ITGBL1: variants seen among roughly 807,000 people sequenced by gnomAD.
ITGBL1 encodes the protein integrin subunit beta like 1.
In ITGBL1, 51 loss-of-function variants were observed where a neutral mutation model predicts 68.5. That is an observed-to-expected ratio of 0.74 (90% CI 0.59 to 0.94). ITGBL1 has a LOEUF of 0.94. Among genes scored for constraint, ITGBL1 ranks in the 40% least tolerant of loss-of-function variants. ITGBL1 has a pLI of 0.00. For synonymous variants in ITGBL1, 209 were observed against 227.3 expected, an observed-to-expected ratio of 0.92 and a Z score of 0.72; for missense variants, 649 against 647.4, an observed-to-expected ratio of 1.00 and a Z score of -0.03.
intron 7 of ITGBL1, among the ~76,000 whole-genome samples, chr13:101,645,478 T>C (rs941684793): frequency 2.6e-5 from 4 of 151,226 alleles, no homozygotes; most frequent in African/African-American, 9.8e-5. Flanking sequence ...GCTTCGTATT[T>C]GGGCACATTA....
At chr13:101,708,852 G>A (rs974971570) in intron 9 of ITGBL1, among the ~76,000 whole-genome samples, 4 of 152,200 alleles carry the variant, frequency 2.6e-5, no homozygotes, top group African/African-American at 9.6e-5. Context: ...CAGGCAGGTG[G>A]AAAATGAGTT....
chr13:101,454,471 A>G (rs1320781499), intron 2 of ITGBL1, among the ~76,000 whole-genome samples: 7 of 146,292 alleles, frequency 4.8e-5, no homozygotes, highest in Non-Finnish European at 9.0e-5. Flanking sequence ...TTGGGATTAC[A>G]GGCGTGAGCC....
At chr13:101,530,776 G>T (rs1394705536) in intron 2 of ITGBL1, among the ~76,000 whole-genome samples, 2 of 152,062 alleles carry the variant, frequency 1.3e-5, no homozygotes, top group Non-Finnish European at 2.9e-5. Flanking sequence ...ATGAGATTTT[G>T]ATTCTTTAGG....
intron 7 of ITGBL1, among the ~76,000 whole-genome samples, chr13:101,604,881 T>TGCACAC (rs2030618963): frequency 7.0e-5 from 1 of 14,276 alleles, no homozygotes; most frequent in African/African-American, 1.7e-4. Context: ...TATATATATA[T>TGCACAC]ATATATACAC....
intron 2 of ITGBL1, among the ~76,000 whole-genome samples, chr13:101,522,960 C>T (rs997439302): frequency 2.0e-5 from 3 of 152,198 alleles, no homozygotes; most frequent in African/African-American, 7.2e-5. Context: ...GCCAAATGGA[C>T]AGACATCTCA....
At chr13:101,530,820 A>G (rs1311250528) in intron 2 of ITGBL1, among the ~76,000 whole-genome samples, 1 of 152,208 alleles carries the variant, frequency 6.6e-6, no homozygotes, top group East Asian at 1.9e-4. Flanking sequence ...TTTTTGGGAT[A>G]TGTCGCATGT....
At chr13:101,570,733 C>T (rs1299339333) in intron 3 of ITGBL1, among the ~76,000 whole-genome samples, 1 of 152,136 alleles carries the variant, frequency 6.6e-6, no homozygotes, top group African/African-American at 2.4e-5. Flanking sequence ...CTTATTTAGT[C>T]TATCCTGTTG....
chr13:101,506,677 G>T (rs527522955), intron 2 of ITGBL1, among the ~76,000 whole-genome samples: 30 of 152,282 alleles, frequency 2.0e-4, no homozygotes, highest in African/African-American at 7.2e-4. Flanking sequence ...AAAAGGTGTT[G>T]TAACTGAGAT....
At chr13:101,707,449 G>A (rs561035416) in intron 9 of ITGBL1, among the ~76,000 whole-genome samples, 1 of 152,222 alleles carries the variant, frequency 6.6e-6, no homozygotes, top group Non-Finnish European at 1.5e-5. Context: ...AAAAGCTATG[G>A]GGGAGGGGTA....
At chr13:101,647,397 A>G (rs543301258) in intron 7 of ITGBL1, among the ~76,000 whole-genome samples, 14 of 152,344 alleles carry the variant, frequency 9.2e-5, no homozygotes, top group South Asian at 8.3e-4. Flanking sequence ...TTAAAAATTA[A>G]TATGTGGTTC....
At chr13:101,459,344 A>G (rs1008798204) in intron 2 of ITGBL1, among the ~76,000 whole-genome samples, 5 of 152,358 alleles carry the variant, frequency 3.3e-5, no homozygotes, top group African/African-American at 1.2e-4. Context: ...TATGGATATG[A>G]AGAACCTTCT....
chr13:101,524,262 A>G (rs1486508484), intron 2 of ITGBL1, among the ~76,000 whole-genome samples: 1 of 152,074 alleles, frequency 6.6e-6, no homozygotes, highest in Admixed American at 6.6e-5. Flanking sequence ...CTTTCAAAAA[A>G]CAATGCCACT....
chr13:101,583,925 A>G (rs2050507314), intron 6 of ITGBL1, among the ~76,000 whole-genome samples: 1 of 152,174 alleles, frequency 6.6e-6, no homozygotes, highest in Admixed American at 6.5e-5. Context: ...CTAGATAGCT[A>G]CTCAGTTCAA....
chr13:101,641,519 CTTTT>C (rs1411966787), intron 7 of ITGBL1, among the ~76,000 whole-genome samples: 1 of 146,666 alleles, frequency 6.8e-6, no homozygotes, highest in Non-Finnish European at 1.5e-5. Flanking sequence ...ATGTGTCTTT[CTTTT>C]TTATTTTATT....
chr13:101,489,887 G>A (rs935622483), intron 2 of ITGBL1: 23 of 924,408 alleles, frequency 2.5e-5, no homozygotes, highest in Admixed American at 1.3e-4. Flanking sequence ...GTGAGAGGTG[G>A]ACTAAAGGTT....
At chr13:101,575,166 T>G (rs538370309) in intron 3 of ITGBL1, among the ~76,000 whole-genome samples, 1 of 152,178 alleles carries the variant, frequency 6.6e-6, no homozygotes, top group South Asian at 2.1e-4. Flanking sequence ...GCTCTGCACT[T>G]GGAGAGGTCA....
At chr13:101,497,983 C>T (rs574306277) in intron 2 of ITGBL1, among the ~76,000 whole-genome samples, 66 of 151,874 alleles carry the variant, frequency 4.3e-4, no homozygotes, top group African/African-American at 1.6e-3. Context: ...GAGATTTTGT[C>T]TGATCAGGAT....
intron 2 of ITGBL1, among the ~76,000 whole-genome samples, chr13:101,484,721 A>G (rs1011825939): frequency 4.6e-5 from 7 of 152,148 alleles, no homozygotes; most frequent in Non-Finnish European, 8.8e-5. Context: ...TTAAAAATGA[A>G]TGGAACATCA....
chr13:101,473,386 C>T (rs1270942720), intron 2 of ITGBL1, among the ~76,000 whole-genome samples: 6 of 152,134 alleles, frequency 3.9e-5, no homozygotes, highest in African/African-American at 1.4e-4. Flanking sequence ...TGGATTGGAA[C>T]TCAGTTTTGC....
Sources: allele counts gnomAD v4.1 joint callset (sites outside exome capture counted in the v4.1 genomes callset), GRCh38; gene constraint gnomAD v4.1.1; transcripts MANE v1.5; gene names NCBI Gene and HGNC (gene_info 2026-07-23, HGNC 2026-07-21).